RBFOX1: variants seen among roughly 807,000 people sequenced by gnomAD.
RBFOX1 encodes the protein RNA binding protein fox-1 homolog 1.
In RBFOX1, 8 loss-of-function variants were observed where a neutral mutation model predicts 57.7. That is an observed-to-expected ratio of 0.14 (90% confidence interval 0.08 to 0.25). The LOEUF (loss-of-function observed/expected upper bound fraction) is 0.25, where lower values mean the gene tolerates loss of function less well. RBFOX1 is among the 10% of genes least tolerant of loss of function. The pLI, the probability that RBFOX1 is intolerant of heterozygous loss-of-function variation, is 1.00. For missense variants in RBFOX1, 611 were observed against 548.5 expected (o/e 1.11, Z -1.14); for synonymous variants, 326 against 222.4 (o/e 1.47, Z -4.15).
chr16:6,099,130 C>T (rs2096277092), intron 1 of RBFOX1, among the ~76,000 whole-genome samples: 1 of 152,102 alleles, frequency 6.6e-6, no homozygotes, highest in South Asian at 2.1e-4. Context: ...AGGTCGAACC[C>T]GATTTGCTTT....
At chr16:7,429,553 C>A (rs543306544) in intron 4 of RBFOX1, among the ~76,000 whole-genome samples, 2 of 152,298 alleles carry the variant, frequency 1.3e-5, no homozygotes, top group Admixed American at 1.3e-4. Flanking sequence ...AGGAAGCCAC[C>A]TATTTTGTCC....
chr16:6,803,646 T>G (rs2086021288), intron 3 of RBFOX1, among the ~76,000 whole-genome samples: 1 of 152,206 alleles, frequency 6.6e-6, no homozygotes, highest in Non-Finnish European at 1.5e-5. Context: ...CAAAAGAATC[T>G]TTCACCATTA....
rs528650475 is a variant in RBFOX1, at chr16:6,613,740, C to T, written c.-63-40863C>T. 1.1e-4 allele frequency among the ~76,000 whole-genome samples: 16 copies of T among 152,242 alleles called. 1 individual carries two copies. In the South Asian group the frequency reaches 2.7e-3, roughly 26 times the overall value. On this transcript the variant is annotated intron_variant, in intron 2 of 15. Transcript: ENST00000550418. ...TCACTCGAGGCCAAGCGTTTGAGAC[C>T]GGCCTGGCCAACATGGCGAAACCCC...
intron 3 of RBFOX1, among the ~76,000 whole-genome samples, chr16:5,668,466 G>T (rs2049917918): frequency 6.6e-6 from 1 of 152,250 alleles, no homozygotes; most frequent in South Asian, 2.1e-4. Context: ...AAAATCATCA[G>T]AGGTGGTTCT....
At chr16:6,645,882 C>T (rs1440306857) in intron 2 of RBFOX1, among the ~76,000 whole-genome samples, 5 of 152,108 alleles carry the variant, frequency 3.3e-5, no homozygotes, top group African/African-American at 2.4e-5. Flanking sequence ...TAAGCAAACT[C>T]GGCCTCCTTG....
At chr16:6,628,625 CT>C (rs1454785865) in intron 2 of RBFOX1, among the ~76,000 whole-genome samples, 1 of 152,096 alleles carries the variant, frequency 6.6e-6, no homozygotes, top group Non-Finnish European at 1.5e-5. Flanking sequence ...GGGTGTAAAT[CT>C]TTAATGAGAG....
At chr16:6,982,892 C>G (rs1179685106) in intron 3 of RBFOX1, among the ~76,000 whole-genome samples, 1 of 145,912 alleles carries the variant, frequency 6.9e-6, no homozygotes, top group Non-Finnish European at 1.5e-5. Context: ...ACTTGGGAGG[C>G]TGAGGCAGGG....
intron 2 of RBFOX1, among the ~76,000 whole-genome samples, chr16:6,367,711 A>T (rs1312247618): frequency 6.6e-6 from 1 of 150,578 alleles, no homozygotes; most frequent in African/African-American, 2.5e-5. Context: ...CATGTTTTCT[A>T]TTGTATCTTT....
chr16:6,942,321 C>G (rs1203314586), intron 3 of RBFOX1, among the ~76,000 whole-genome samples: 2 of 152,142 alleles, frequency 1.3e-5, no homozygotes, highest in African/African-American at 4.8e-5. Flanking sequence ...GCACACACCA[C>G]CACGCTCAGC....
At chr16:6,415,277 G>T (rs895423081) in intron 2 of RBFOX1, among the ~76,000 whole-genome samples, 2 of 148,456 alleles carry the variant, frequency 1.3e-5, no homozygotes, top group Non-Finnish European at 3.0e-5. Context: ...TAGCGTTCAG[G>T]TTGAGAAATC....
intron 1 of RBFOX1, among the ~76,000 whole-genome samples, chr16:6,045,058 G>A (rs936276673): frequency 1.3e-5 from 2 of 152,178 alleles, no homozygotes; most frequent in African/African-American, 4.8e-5. Flanking sequence ...GGTCTTGGAT[G>A]GGGCTGTTCT....
At chr16:6,510,821 TTAAG>T (rs2096241047) in intron 2 of RBFOX1, among the ~76,000 whole-genome samples, 2 of 151,978 alleles carry the variant, frequency 1.3e-5, no homozygotes, top group African/African-American at 4.8e-5. Context: ...TTGTCATTTG[TTAAG>T]TAGTGTTGCA....
chr16:7,400,988 C>T (rs1399406204), intron 4 of RBFOX1, among the ~76,000 whole-genome samples: 1 of 152,180 alleles, frequency 6.6e-6, no homozygotes, highest in African/African-American at 2.4e-5. Context: ...TGGAACCCCG[C>T]ATGAAACTCA....
intron 4 of RBFOX1, among the ~76,000 whole-genome samples, chr16:7,060,455 T>C (rs529243243): frequency 1.1e-4 from 16 of 152,328 alleles, no homozygotes; most frequent in Admixed American, 2.6e-4. Flanking sequence ...AACAAAAGCC[T>C]GAAGTTATTT....
At chr16:6,837,507 A>G (rs375640109) in intron 3 of RBFOX1, among the ~76,000 whole-genome samples, 5 of 152,202 alleles carry the variant, frequency 3.3e-5, no homozygotes, top group East Asian at 3.9e-4. Context: ...ACCATGTCCT[A>G]TGCAGTACCG....
At chr16:6,847,133 C>G (rs527442499) in intron 3 of RBFOX1, among the ~76,000 whole-genome samples, 9 of 152,270 alleles carry the variant, frequency 5.9e-5, no homozygotes, top group Admixed American at 2.6e-4. Context: ...GATGGTTCAT[C>G]CACTCCTGTC....
intron 1 of RBFOX1, among the ~76,000 whole-genome samples, chr16:6,149,283 T>C (rs564095783): frequency 6.6e-6 from 1 of 152,334 alleles, no homozygotes; most frequent in East Asian, 1.9e-4. Context: ...AGGTGTACTT[T>C]GGATTTGAAT....
At chr16:6,691,811 C>G (rs1257197717) in intron 3 of RBFOX1, among the ~76,000 whole-genome samples, 2 of 152,190 alleles carry the variant, frequency 1.3e-5, no homozygotes, top group Non-Finnish European at 2.9e-5. Context: ...GGCTCGATGT[C>G]ATCCCAAGGG....
chr16:5,256,039 G>T (rs372809961), intron 1 of RBFOX1, among the ~76,000 whole-genome samples: 1 of 152,068 alleles, frequency 6.6e-6, no homozygotes, highest in East Asian at 1.9e-4. Context: ...TATTATTCTT[G>T]GCAGATGCTG....
Sources: allele counts gnomAD v4.1 joint callset (sites outside exome capture counted in the v4.1 genomes callset), GRCh38; gene constraint gnomAD v4.1.1; transcripts MANE v1.5; gene names NCBI Gene and HGNC (gene_info 2026-07-23, HGNC 2026-07-21).